Variants in EFNA5 observed in about 807,000 individuals in gnomAD.
The protein encoded by EFNA5 is ephrin-A5.
A neutral mutation model predicts 22.9 loss-of-function variants in EFNA5; 5 were observed. That is an observed-to-expected ratio of 0.22 (90% CI 0.11 to 0.46). The LOEUF is 0.46. EFNA5 is among the 20% of genes least tolerant of loss of function. The pLI is 0.99. For synonymous variants in EFNA5, 113 were observed against 112.2 expected, an observed-to-expected ratio of 1.01 and a Z score of -0.04; for missense variants, 237 against 293.3, an observed-to-expected ratio of 0.81 and a Z score of 1.40.
Position 107,381,205 on chromosome 5 carries a change from T to C in EFNA5, c.*50A>G, listed in dbSNP as rs745394905. On this transcript the variant is annotated 3_prime_UTR_variant, in exon 5 of 5. Coordinates refer to ENST00000333274, the MANE Select transcript of EFNA5 (RefSeq NM_001962.3). ...GATGAGCAGTTAGGTGGATCTCTGG[T>C]GTTCCAAGACCCTGATGTTTTCTGT... The C allele has an allele frequency of 1.1e-5, 18 of 1,567,692 alleles. No homozygotes were observed. Among genetic ancestry groups the C allele is most frequent in the Non-Finnish European group, 1.6e-5 (18 of 1,146,508 alleles).
intron 1 of EFNA5, among the ~76,000 whole-genome samples, chr5:107,664,124 G>C (rs1161458051): frequency 1.3e-5 from 2 of 151,988 alleles, no homozygotes; most frequent in Non-Finnish European, 2.9e-5. Context: ...TCAAAAACAA[G>C]AATTTGCATC....
intron 2 of EFNA5, among the ~76,000 whole-genome samples, chr5:107,417,908 G>A (rs1465242984): frequency 6.6e-6 from 1 of 152,180 alleles, no homozygotes; most frequent in Non-Finnish European, 1.5e-5. Context: ...AAGAATAGAT[G>A]AGTGGGAAAG....
chr5:107,580,158 A>C (rs898282902), intron 1 of EFNA5, among the ~76,000 whole-genome samples: 9 of 152,206 alleles, frequency 5.9e-5, no homozygotes, highest in Non-Finnish European at 1.2e-4. Context: ...TTCAGTGACC[A>C]ACTGCCAGTG....
chr5:107,406,768 AT>A lies in EFNA5; in HGVS notation c.419-18998del, dbSNP rs1349303191. The stretch of plus-strand genomic sequence containing the variant: ...TTCTATTAAAGCAGGGCCATTGCCT[AT>A]TTTTTTCTCTGTTGTATTCACAAAG... On this transcript the variant is annotated intron_variant, in intron 2 of 4. Transcript: ENST00000333274. Among the ~76,000 whole-genome samples, 7 of 152,140 alleles carry A rather than the reference AT, an allele frequency of 4.6e-5. 1 individual carries two copies. Among genetic ancestry groups the A allele is most frequent in the Middle Eastern group, 3.4e-3 (1 of 294 alleles).
chr5:107,427,430 C>T lies in EFNA5; in HGVS notation c.205G>A (p.Val69Ile), dbSNP rs773478586. The change falls in exon 2 of 5, where the codon GTC (valine) becomes ATC (isoleucine). Residue 69 changes from valine to isoleucine, a missense_variant. Around this residue, in one of 3 missense-constraint regions of EFNA5, gnomAD observed 120 missense variants for 140.5 expected, o/e 0.85. Transcript: ENST00000333274. ...DVFCPHYEDS[V>I]PEDKTERYVL... Reference sequence around the variant, plus strand: ...TAGCGCTCAGTCTTATCTTCTGGGACGGAGTCCTCATAGTGAGGGCAGAAA... The same window carrying T: ...TAGCGCTCAGTCTTATCTTCTGGGATGGAGTCCTCATAGTGAGGGCAGAAA... The T allele has an allele frequency of 4.3e-5, 69 of 1,613,676 alleles. 1 individual carries two copies. In the South Asian group the frequency reaches 5.3e-4, roughly 12 times the overall value.
chr5:107,608,810 C>T (rs1325855376), intron 1 of EFNA5, among the ~76,000 whole-genome samples: 1 of 152,150 alleles, frequency 6.6e-6, no homozygotes, highest in Non-Finnish European at 1.5e-5. Flanking sequence ...CAGGCTGGTC[C>T]CAACGCTCGG....
intron 1 of EFNA5, among the ~76,000 whole-genome samples, chr5:107,429,218 G>A (rs1748884541): frequency 1.3e-5 from 2 of 152,304 alleles, no homozygotes; most frequent in Middle Eastern, 3.4e-3. Flanking sequence ...TGGGGCAGGC[G>A]GATCACTTGA....
chr5:107,547,461 C>G (rs1396647946), intron 1 of EFNA5, among the ~76,000 whole-genome samples: 2 of 151,280 alleles, frequency 1.3e-5, no homozygotes, highest in Non-Finnish European at 2.9e-5. Context: ...GTTCTAACAA[C>G]AAAGCTCTCT....
intron 1 of EFNA5, among the ~76,000 whole-genome samples, chr5:107,606,537 CAACACA>C (rs1561447590): frequency 9.4e-6 from 1 of 106,444 alleles, no homozygotes; most frequent in Non-Finnish European, 2.0e-5. Flanking sequence ...CTTGCACGTA[CAACACA>C]CACACACACA....
intron 1 of EFNA5, among the ~76,000 whole-genome samples, chr5:107,481,063 T>C (rs114314252): frequency 0.013 from 1,925 of 152,230 alleles, 44 homozygotes; most frequent in African/African-American, 0.045. Context: ...TGTTCTAGGA[T>C]CCAGAGGTAC....
chr5:107,480,111 T>C (rs1285528950), intron 1 of EFNA5, among the ~76,000 whole-genome samples: 1 of 152,158 alleles, frequency 6.6e-6, no homozygotes, highest in Non-Finnish European at 1.5e-5. Flanking sequence ...GAATAATACA[T>C]ATTTCCATGT....
chr5:107,530,585 G>A (rs1747789871), intron 1 of EFNA5, among the ~76,000 whole-genome samples: 1 of 152,150 alleles, frequency 6.6e-6, no homozygotes, highest in South Asian at 2.1e-4. Context: ...TGAAAAATTT[G>A]GAAATTTATT....
chr5:107,589,090 T>G (rs960031171), intron 1 of EFNA5, among the ~76,000 whole-genome samples: 1 of 152,202 alleles, frequency 6.6e-6, no homozygotes, highest in African/African-American at 2.4e-5. Context: ...GTCTAGAGAC[T>G]TGCCATTTCA....
intron 1 of EFNA5, among the ~76,000 whole-genome samples, chr5:107,449,605 T>C (rs551194150): frequency 1.3e-5 from 2 of 149,484 alleles, no homozygotes; most frequent in African/African-American, 4.9e-5. Flanking sequence ...ACCAGTGAGG[T>C]CACCATTTAA....
intron 1 of EFNA5, among the ~76,000 whole-genome samples, chr5:107,625,256 C>T (rs763471443): frequency 2.0e-4 from 30 of 151,978 alleles, no homozygotes; most frequent in Non-Finnish European, 4.0e-4. Flanking sequence ...CATTAGGTGG[C>T]CAGCTGGTAT....
At chr5:107,569,403 A>G (rs1748729372) in intron 1 of EFNA5, among the ~76,000 whole-genome samples, 1 of 132,390 alleles carries the variant, frequency 7.6e-6, no homozygotes, top group Admixed American at 7.3e-5. Context: ...ATGTGTGTAT[A>G]TATATATATA....
At position 107,435,315 on chromosome 5, in the gene EFNA5, C is replaced by CTTTTTTTTTTTTTTTTTTTTTTTTT. The variant is rs3999107; in HGVS notation, c.126-7807_126-7806insAAAAAAAAAAAAAAAAAAAAAAAAA. 2.8e-4 allele frequency among the ~76,000 whole-genome samples: 29 copies of CTTTTTTTTTTTTTTTTTTTTTTTTT among 104,642 alleles called. 3 individuals carry two copies. The highest frequency in any genetic ancestry group is 1.2e-3 in the African/African-American group (29 of 25,162). 68.6% of individuals were successfully genotyped at this position (104,642 alleles called of 152,430 possible). A position where few individuals can be genotyped will look rare whatever the true frequency, so the allele number is the denominator to read the frequency against. Reference sequence around the variant, plus strand: ...TTCCTATTCTAAATCTGAAGATGCTCTTTTTTTTTTTTTTTTTTTTTTGCT... The same window carrying CTTTTTTTTTTTTTTTTTTTTTTTTT: ...TTCCTATTCTAAATCTGAAGATGCTCTTTTTTTTTTTTTTTTTTTTTTTTTTTTTTTTTTTTTTTTTTTTTTTGCT... On this transcript the variant is annotated intron_variant, in intron 1 of 4. Transcript: ENST00000333274.
chr5:107,407,273 G>A (rs888001249), intron 2 of EFNA5, among the ~76,000 whole-genome samples: 12 of 152,060 alleles, frequency 7.9e-5, no homozygotes, highest in Admixed American at 4.6e-4. Context: ...TGATTAGCCC[G>A]AAAACGTCTA....
At chr5:107,655,638 T>C (rs1212528894) in intron 1 of EFNA5, among the ~76,000 whole-genome samples, 2 of 152,086 alleles carry the variant, frequency 1.3e-5, no homozygotes, top group Non-Finnish European at 2.9e-5. Flanking sequence ...AAAACAACAT[T>C]ACAAAATGAT....
Sources: allele counts gnomAD v4.1 joint callset (sites outside exome capture counted in the v4.1 genomes callset), GRCh38; gene constraint gnomAD v4.1.1; regional missense constraint gnomAD v4.1.1; transcripts MANE v1.5; gene names NCBI Gene and HGNC (gene_info 2026-07-23, HGNC 2026-07-21).